Variants in TLL1 observed in about 807,000 individuals in gnomAD.
TLL1 encodes tolloid like 1.
TLL1 carries 49 observed loss-of-function variants against 128.2 expected under a neutral mutation model. That is an observed-to-expected ratio of 0.38 (90% CI 0.30 to 0.48). The LOEUF (loss-of-function observed/expected upper bound fraction) is 0.48. Among genes scored for constraint, TLL1 ranks in the 20% least tolerant of loss-of-function variants. The probability of loss-of-function intolerance (pLI) is 0.96; values close to 1 mark genes in which losing one functional copy is unlikely to be tolerated. For synonymous variants in TLL1, 454 were observed against 418.8 expected, an observed-to-expected ratio of 1.08 and a Z score of -1.03; for missense variants, 1,123 against 1,242.0, an observed-to-expected ratio of 0.90 and a Z score of 1.44.
At chr4:165,916,805 T>C (rs1207555449) in intron 1 of TLL1, among the ~76,000 whole-genome samples, 3 of 152,156 alleles carry the variant, frequency 2.0e-5, no homozygotes, top group Admixed American at 2.0e-4. Context: ...TGCCTGTCTA[T>C]ACATTCCGAT....
At chr4:165,939,147 C>T (rs56033583) in intron 1 of TLL1, among the ~76,000 whole-genome samples, 22,493 of 151,828 alleles carry the variant, frequency 0.15, 4,610 homozygotes, top group African/African-American at 0.47. Context: ...GAGGCTTCAT[C>T]GTAGAGTGAT....
chr4:166,096,208 T>TGG (rs1466068363), intron 19 of TLL1, among the ~76,000 whole-genome samples: 2 of 132,652 alleles, frequency 1.5e-5, no homozygotes, highest in East Asian at 2.0e-4. Context: ...AATTCTGTCA[T>TGG]GGGTGTGTGT....
intron 16 of TLL1, among the ~76,000 whole-genome samples, chr4:166,067,112 T>C (rs1025911520): frequency 2.0e-5 from 3 of 151,764 alleles, no homozygotes; most frequent in Non-Finnish European, 4.4e-5. Flanking sequence ...ATGGGTTCAA[T>C]AGAAGCCCCA....
intron 6 of TLL1, 135 bp downstream of exon 6, chr4:166,003,704 A>G: frequency 1.1e-6 from 1 of 898,188 alleles, no homozygotes; most frequent in Non-Finnish European, 1.8e-6. Flanking sequence ...TTGCTTGATT[A>G]AAAATCACCC....
At chr4:166,008,114 T>C in intron 7 of TLL1, 66 bp downstream of exon 7, 2 of 1,169,056 alleles carry the variant, frequency 1.7e-6, no homozygotes, top group South Asian at 2.5e-5. Flanking sequence ...CTCACAAAGC[T>C]ATGCCTGACA....
chr4:165,966,743 G>T (rs1735397570), intron 1 of TLL1, among the ~76,000 whole-genome samples: 1 of 152,076 alleles, frequency 6.6e-6, no homozygotes, highest in Non-Finnish European at 1.5e-5. Flanking sequence ...ATAGGGTATG[G>T]GTCACAGAGA....
chr4:166,066,208 A>G (rs1740569077), intron 16 of TLL1, among the ~76,000 whole-genome samples: 1 of 151,418 alleles, frequency 6.6e-6, no homozygotes, highest in African/African-American at 2.4e-5. Flanking sequence ...TATTAAGTTA[A>G]TATTAAAATT....
At chr4:166,057,038 C>T in intron 13 of TLL1, 146 bp from the exon 14 acceptor site, 1 of 805,360 alleles carries the variant, frequency 1.2e-6, no homozygotes, top group African/African-American at 1.7e-5. Context: ...ATTCAGTTAC[C>T]TCTCACCAGG....
intron 1 of TLL1, among the ~76,000 whole-genome samples, chr4:165,937,369 A>G (rs1733812176): frequency 6.6e-6 from 1 of 152,180 alleles, no homozygotes; most frequent in South Asian, 2.1e-4. Flanking sequence ...AGAATATTCC[A>G]TAATTATTCT....
intron 1 of TLL1, among the ~76,000 whole-genome samples, chr4:165,913,985 G>T (rs1199213369): frequency 2.0e-5 from 3 of 151,800 alleles, no homozygotes; most frequent in Non-Finnish European, 4.4e-5. Flanking sequence ...CTGCACTCCA[G>T]CCTGGATGCC....
chr4:166,078,682 A>G (rs1230513219), intron 18 of TLL1, among the ~76,000 whole-genome samples: 1 of 151,920 alleles, frequency 6.6e-6, no homozygotes, highest in Non-Finnish European at 1.5e-5. Flanking sequence ...ATTATAGGCC[A>G]CAGAGTGTTT....
chr4:166,103,467 A>G lies in TLL1; in HGVS notation c.*2591A>G, dbSNP rs958450282. On this transcript the variant is annotated 3_prime_UTR_variant, in exon 21 of 21. Coordinates refer to ENST00000061240, the MANE Select transcript of TLL1 (RefSeq NM_012464.5). ...TGTGGTAGGGGAAATGTATTGCTCT[A>G]TATTAAGAAATATTCTGGATATTCT... The G allele has an allele frequency of 6.6e-6, 1 of 151,888 alleles. No homozygotes were observed. Among genetic ancestry groups the G allele is most frequent in the Admixed American group, 6.6e-5 (1 of 15,192 alleles). The allele number at this position is 151,888 out of a possible 1,614,324, so 9.4% of individuals were successfully genotyped here.
At chr4:166,005,884 C>A (rs6823153) in intron 6 of TLL1, among the ~76,000 whole-genome samples, 3 of 151,622 alleles carry the variant, frequency 2.0e-5, no homozygotes, top group Non-Finnish European at 4.4e-5. Context: ...TAAATAAATG[C>A]GCAATCCTAA....
intron 1 of TLL1, among the ~76,000 whole-genome samples, chr4:165,942,773 A>C (rs1734078519): frequency 6.6e-6 from 1 of 152,050 alleles, no homozygotes; most frequent in Non-Finnish European, 1.5e-5. Flanking sequence ...AAGCGCATAC[A>C]TGCCCTTAGA....
At chr4:165,927,499 G>C (rs1319866274) in intron 1 of TLL1, among the ~76,000 whole-genome samples, 1 of 152,198 alleles carries the variant, frequency 6.6e-6, no homozygotes, top group East Asian at 1.9e-4. Flanking sequence ...TAATAAAAAT[G>C]TAAGAGGATT....
At chr4:165,975,132 T>A (rs1735815074) in intron 1 of TLL1, among the ~76,000 whole-genome samples, 2 of 152,204 alleles carry the variant, frequency 1.3e-5, no homozygotes, top group Non-Finnish European at 2.9e-5. Context: ...AGATGCTGGC[T>A]ACCCACAGGA....
At chr4:165,884,919 A>C (rs1579440320) in intron 1 of TLL1, among the ~76,000 whole-genome samples, 1 of 152,172 alleles carries the variant, frequency 6.6e-6, no homozygotes, top group East Asian at 1.9e-4. Context: ...TTGGTAGAGC[A>C]CAATTCTGTT....
intron 1 of TLL1, among the ~76,000 whole-genome samples, chr4:165,955,007 T>C (rs570639091): frequency 6.6e-6 from 1 of 152,106 alleles, no homozygotes; most frequent in African/African-American, 2.4e-5. Flanking sequence ...CAGGAGAAAG[T>C]TGAAACACAA....
chr4:166,084,121 C>G (rs530484123), intron 18 of TLL1, among the ~76,000 whole-genome samples: 1 of 152,042 alleles, frequency 6.6e-6, no homozygotes, highest in Non-Finnish European at 1.5e-5. Context: ...TTTTGATTTG[C>G]ATTTTCTGGA....
Sources: gnomAD v4.1 joint callset for allele counts (sites outside exome capture counted in the v4.1 genomes callset) on GRCh38, gnomAD v4.1.1 for gene constraint, MANE v1.5 for transcripts, NCBI Gene and HGNC (gene_info 2026-07-23, HGNC 2026-07-21) for gene names.